DRC7: variants seen among roughly 807,000 people sequenced by gnomAD.
The protein encoded by DRC7 is dynein regulatory complex subunit 7.
In DRC7, 80 loss-of-function variants were observed where a neutral mutation model predicts 104.4. The observed-to-expected ratio is 0.77, with a 90% CI of 0.64 to 0.92. The LOEUF (loss-of-function observed/expected upper bound fraction) is 0.92. Ranked by LOEUF, DRC7 falls within the 40% of genes least tolerant of loss-of-function variation. The pLI, the probability that DRC7 is intolerant of heterozygous loss-of-function variation, is 0.00. For synonymous variants in DRC7, 405 were observed against 447.3 expected (o/e 0.91, Z 1.19); for missense variants, 1,034 against 1,141.1 (o/e 0.91, Z 1.35).
chr16:57,700,194 T>C lies in DRC7; in HGVS notation c.428T>C (p.Leu143Pro). The C allele has an allele frequency of 6.2e-7, 1 of 1,614,086 alleles. No individual in the cohort carries two copies. Among genetic ancestry groups the C allele is most frequent in the Non-Finnish European group, 8.5e-7 (1 of 1,179,992 alleles). The change falls in exon 5 of 19, where the codon CTC becomes CCC. Residue 143 changes from leucine (L) to proline (P), a missense_variant. Leu to Pro is a moderately conservative substitution (Grantham distance 98). Coordinates refer to ENST00000360716, the MANE Select transcript of DRC7 (RefSeq NM_001289162.2). ...CCCACACTGATGCCCTACCCCGAGC[T>C]CTACAACTGGGACAGCTGTGCCCAG... ...LRPTLMPYPE[L>P]YNWDSCAQFV...
chr16:57,710,545 A>T (rs2148749420), intron 8 of DRC7, among the ~76,000 whole-genome samples: 1 of 152,350 alleles, frequency 6.6e-6, no homozygotes, highest in Middle Eastern at 3.4e-3. Flanking sequence ...AACAGAAGTG[A>T]TGAAAGCAAA....
intron 16 of DRC7, among the ~76,000 whole-genome samples, chr16:57,727,931 G>A (rs2048991368): frequency 6.6e-6 from 1 of 152,258 alleles, no homozygotes; most frequent in African/African-American, 2.4e-5. Flanking sequence ...AGGGGAGGGT[G>A]TCAGCCCCCA....
chr16:57,696,672 C>G (rs2048595823), intron 2 of DRC7, 78 bp downstream of exon 2: 1 of 152,266 alleles, frequency 6.6e-6, no homozygotes, highest in African/African-American at 2.4e-5. Context: ...TGTGGCGTCT[C>G]TGCGTGGATC....
intron 17 of DRC7, among the ~76,000 whole-genome samples, 176 bp downstream of exon 17, chr16:57,728,760 G>A (rs967651733): frequency 1.4e-5 from 2 of 139,404 alleles, no homozygotes; most frequent in South Asian, 5.3e-4. Context: ...CTTGTTTATC[G>A]GATAGATGAA....
intron 17 of DRC7, among the ~76,000 whole-genome samples, chr16:57,729,988 G>A (rs1394154212): frequency 4.6e-4 from 65 of 141,734 alleles, no homozygotes; most frequent in Admixed American, 1.1e-3. Context: ...ATAGATGGAC[G>A]GTTGGATGGG....
chr16:57,699,611 A>G (rs1412440888), intron 4 of DRC7, among the ~76,000 whole-genome samples: 1 of 152,088 alleles, frequency 6.6e-6, no homozygotes, highest in Non-Finnish European at 1.5e-5. Context: ...CCTTCCCTGG[A>G]CAGGCTGACC....
intron 14 of DRC7, 46 bp downstream of exon 14, chr16:57,726,329 C>T (rs773156069): frequency 1.3e-5 from 20 of 1,522,166 alleles, no homozygotes; most frequent in Non-Finnish European, 1.6e-5. Flanking sequence ...GCAGGAGGAA[C>T]CGGGGCTCTC....
intron 6 of DRC7, among the ~76,000 whole-genome samples, chr16:57,704,201 A>G (rs1360726658): frequency 6.6e-6 from 1 of 152,116 alleles, no homozygotes; most frequent in Non-Finnish European, 1.5e-5. Context: ...ATCAAAAGGT[A>G]ACATAATGTG....
At position 57,704,973 on chromosome 16, in the gene DRC7, A is replaced by C; in HGVS notation, c.797A>C (p.Lys266Thr). 2 of 1,613,694 alleles carry C rather than the reference A, an allele frequency of 1.2e-6. No homozygotes were observed. Among genetic ancestry groups the C allele is most frequent in the Non-Finnish European group, 1.7e-6 (2 of 1,179,958 alleles). Residue 266 changes from lysine to threonine, a missense_variant, in exon 7 of 19, where the codon AAG (lysine) becomes ACG (threonine). Physicochemically the swap from Lys to Thr is moderately conservative, Grantham distance 78. Coordinates refer to ENST00000360716, the MANE Select transcript of DRC7 (RefSeq NM_001289162.2). ...SRFEQEQEVK[K>T]QQEIRAQEKK... Reference sequence around the variant, plus strand: ...TTTGAGCAGGAGCAAGAGGTGAAGAAGCAGCAGGAGATCAGAGCCCAGGAG... The same window carrying C: ...TTTGAGCAGGAGCAAGAGGTGAAGACGCAGCAGGAGATCAGAGCCCAGGAG...
chr16:57,715,238 C>T (rs1232487377), intron 8 of DRC7, among the ~76,000 whole-genome samples: 1 of 152,142 alleles, frequency 6.6e-6, no homozygotes, highest in South Asian at 2.1e-4. Flanking sequence ...TTAGTAGAGA[C>T]AGGGTTTCAC....
chr16:57,712,374 A>C (rs1251578259), intron 8 of DRC7, among the ~76,000 whole-genome samples: 1 of 152,172 alleles, frequency 6.6e-6, no homozygotes, highest in Non-Finnish European at 1.5e-5. Flanking sequence ...TTGCCATGGA[A>C]AGGTGTAATT....
At chr16:57,700,953 G>C (rs1263828283) in intron 5 of DRC7, among the ~76,000 whole-genome samples, 2 of 152,146 alleles carry the variant, frequency 1.3e-5, no homozygotes, top group African/African-American at 2.4e-5. Flanking sequence ...TGCAATCCTA[G>C]TTAGCTCAGG....
chr16:57,714,661 CTGG>C, intron 8 of DRC7: 2 of 212,430 alleles, frequency 9.4e-6, no homozygotes, highest in Admixed American at 5.7e-5. Context: ...TACATATGCA[CTGG>C]ACAGTGAGGT....
chr16:57,698,538 A>G (rs1398807755), intron 3 of DRC7, among the ~76,000 whole-genome samples: 1 of 152,052 alleles, frequency 6.6e-6, no homozygotes, highest in Non-Finnish European at 1.5e-5. Context: ...TACAAAAAAT[A>G]CAAAAATTAG....
rs556138609 is a variant in DRC7, at chr16:57,700,396, C to T, written c.504+126C>T. 34 of 1,280,044 alleles carry T rather than the reference C, an allele frequency of 2.7e-5. No homozygotes were observed. The African/African-American group carries it at 3.6e-4, about 13-fold the overall frequency. 79.3% of individuals were successfully genotyped at this position (1,280,044 alleles called of 1,614,324 possible). A position where few individuals can be genotyped will look rare whatever the true frequency, so the allele number is the denominator to read the frequency against. On this transcript the variant is annotated intron_variant, in intron 5 of 18. Transcript: ENST00000360716. ...GGGCGTGGTAGCTCATGCCTGTAAT[C>T]CCAGCATTTTGGGAGGCCAAGGCGG...
intron 4 of DRC7, among the ~76,000 whole-genome samples, chr16:57,699,506 G>T (rs140698475): frequency 2.6e-4 from 39 of 152,276 alleles, no homozygotes; most frequent in African/African-American, 9.1e-4. Context: ...GCCCAGAAAG[G>T]CTCAGAGACA....
In DRC7 at chr16:57,724,485, G is replaced by T. The variant is rs564194253; in HGVS notation, c.1538-130G>T. On this transcript the variant is annotated intron_variant, in intron 12 of 18. Transcript: ENST00000360716. The stretch of plus-strand genomic sequence containing the variant: ...CTAAACACCCAGCAATAGGGGACTG[G>T]TTCATAGCTAACCTCATCCATAATG... The T allele has an allele frequency of 1.2e-3, 721 of 612,862 alleles. 1 individual carries two copies. Among genetic ancestry groups the T allele is most frequent in the Non-Finnish European group, 1.6e-3 (551 of 351,074 alleles). 38.0% of individuals were successfully genotyped at this position (612,862 alleles called of 1,614,324 possible).
chr16:57,709,696 G>A (rs759848615), intron 8 of DRC7, among the ~76,000 whole-genome samples: 41 of 152,092 alleles, frequency 2.7e-4, no homozygotes, highest in Non-Finnish European at 5.4e-4. Context: ...GCACAAGTTA[G>A]TGGCTTTTAG....
At chr16:57,720,585 G>T (rs2048892124) in intron 9 of DRC7, among the ~76,000 whole-genome samples, 1 of 152,170 alleles carries the variant, frequency 6.6e-6, no homozygotes. Context: ...CCTCATTACA[G>T]CAAAGACGGA....
Sources: gnomAD v4.1 joint callset for allele counts (sites outside exome capture counted in the v4.1 genomes callset) on GRCh38, gnomAD v4.1.1 for gene constraint, MANE v1.5 for transcripts, NCBI Gene and HGNC (gene_info 2026-07-23, HGNC 2026-07-21) for gene names.